Variants in MCPH1 observed in about 807,000 individuals in gnomAD.
MCPH1 encodes microcephalin 1.
MCPH1 carries 104 observed loss-of-function variants against 84.5 expected under a neutral mutation model. The observed-to-expected ratio is 1.23, with a 90% confidence interval of 1.05 to 1.45. The LOEUF is 1.45. Among genes scored for constraint, MCPH1 ranks in the 40% most tolerant of loss-of-function variants. MCPH1 has a pLI of 0.00. For missense variants in MCPH1, 1,498 were observed against 1,005.7 expected (o/e 1.49, Z -6.62); for synonymous variants, 514 against 366.8 (o/e 1.40, Z -4.58).
intron 12 of MCPH1, chr8:6,532,626 G>A: frequency 1.5e-6 from 1 of 660,314 alleles, no homozygotes; most frequent in African/African-American, 1.9e-5. Flanking sequence ...CCTTCCTTTT[G>A]GAATCTTACT....
intron 13 of MCPH1, chr8:6,625,501 T>TA (rs1831976252): frequency 1.0e-6 from 1 of 984,674 alleles, no homozygotes; most frequent in Admixed American, 6.1e-5. Flanking sequence ...CAAACCATTT[T>TA]AAAGCACCAA....
chr8:6,545,154 G>A (rs1182779973), intron 12 of MCPH1, among the ~76,000 whole-genome samples: 1 of 152,106 alleles, frequency 6.6e-6, no homozygotes, highest in Admixed American at 6.6e-5. Context: ...GGTGATAGAA[G>A]TCAGAATAAT....
chr8:6,603,758 G>C (rs1829546315), intron 12 of MCPH1, among the ~76,000 whole-genome samples: 1 of 152,164 alleles, frequency 6.6e-6, no homozygotes, highest in Non-Finnish European at 1.5e-5. Flanking sequence ...CTGGGACTTA[G>C]TAACAAACTC....
chr8:6,432,635 C>A (rs149729357), intron 4 of MCPH1, among the ~76,000 whole-genome samples: 114 of 152,338 alleles, frequency 7.5e-4, no homozygotes, highest in African/African-American at 2.7e-3. Context: ...TGATGACTTT[C>A]TCCAAACTGA....
At chr8:6,446,299 C>A (rs1332511599) in intron 8 of MCPH1, 1 of 984,918 alleles carries the variant, frequency 1.0e-6, no homozygotes, top group East Asian at 1.1e-4. Flanking sequence ...GAACTTTGAC[C>A]GTCTTTACCT....
At chr8:6,442,465 G>A (rs183072545) in intron 7 of MCPH1, among the ~76,000 whole-genome samples, 1 of 152,284 alleles carries the variant, frequency 6.6e-6, no homozygotes, top group African/African-American at 2.4e-5. Context: ...TAGAACTGAG[G>A]TCAGAGCTAA....
intron 12 of MCPH1, among the ~76,000 whole-genome samples, chr8:6,565,587 G>C (rs1245575332): frequency 6.6e-6 from 1 of 152,158 alleles, no homozygotes; most frequent in Non-Finnish European, 1.5e-5. Context: ...AAGTCATTCA[G>C]TTGTCTTCCA....
intron 12 of MCPH1, among the ~76,000 whole-genome samples, chr8:6,596,536 C>T (rs1196944222): frequency 6.6e-6 from 1 of 152,134 alleles, no homozygotes; most frequent in Non-Finnish European, 1.5e-5. Flanking sequence ...AGGAGATGAC[C>T]CAGCACAATG....
In MCPH1 at chr8:6,621,666, G is replaced by A. The variant is rs756558938; in HGVS notation, c.2427G>A (p.Lys809=). 1.9e-6 allele frequency: 3 copies of A among 1,614,226 alleles called. No homozygotes were observed. The highest frequency in any genetic ancestry group is 2.5e-6 in the Non-Finnish European group (3 of 1,180,054). ...GCGGAAAGAAGAAAGCCACAGTCAA[G>A]TATCTGTCTGAGAAATGGGTCTTAG... The part of the protein sequence containing the change: ...PYSGKKKATV[K]YLSEKWVLDS... Residue 809 remains lysine (K), a synonymous_variant, in exon 13 of 14, where the codon AAG becomes AAA. Coordinates refer to ENST00000344683, the MANE Select transcript of MCPH1 (RefSeq NM_024596.5).
intron 3 of MCPH1, among the ~76,000 whole-genome samples, chr8:6,420,636 A>G (rs1195471747): frequency 6.6e-6 from 1 of 152,002 alleles, no homozygotes; most frequent in African/African-American, 2.4e-5. Flanking sequence ...TTTTTATCTC[A>G]AAATCGATCT....
chr8:6,468,646 G>GTTTT (rs57281899), intron 9 of MCPH1, among the ~76,000 whole-genome samples: 2 of 132,896 alleles, frequency 1.5e-5, no homozygotes, highest in Non-Finnish European at 3.3e-5. Context: ...CATTTTTTTG[G>GTTTT]TTTTTTTTTT....
In MCPH1 at chr8:6,445,026, TGCCATCAAGCC is replaced by T; in HGVS notation, c.1305_1315del (p.Pro436CysfsTer10). 1 of 1,614,246 alleles carries T rather than the reference TGCCATCAAGCC, an allele frequency of 6.2e-7. No homozygotes were observed. Among genetic ancestry groups the T allele is most frequent in the Non-Finnish European group, 8.5e-7 (1 of 1,180,032 alleles). ...GAGAATCTTCCTCCTGAATCTCAGCTGCCATCAAGCCCTGCTCAGTTGAGCTGCAGAAGTCT... is the reference window on the plus strand; with the variant it reads ...GAGAATCTTCCTCCTGAATCTCAGCTCTGCTCAGTTGAGCTGCAGAAGTCT... On this transcript the variant is annotated frameshift_variant, in exon 8 of 14. Transcript: ENST00000344683. LOFTEE classifies it high-confidence loss of function.
intron 2 of MCPH1, among the ~76,000 whole-genome samples, chr8:6,412,550 G>C (rs1464604579): frequency 1.3e-5 from 2 of 152,146 alleles, no homozygotes; most frequent in Non-Finnish European, 2.9e-5. Context: ...GGCCTGTGAG[G>C]GTCATTATAA....
intron 13 of MCPH1, among the ~76,000 whole-genome samples, chr8:6,624,688 A>G (rs1281109900): frequency 6.6e-6 from 1 of 151,748 alleles, no homozygotes; most frequent in Non-Finnish European, 1.5e-5. Flanking sequence ...ATTTTTTTGT[A>G]TTTTTCTCTT....
chr8:6,583,946 T>C (rs1827780389), intron 12 of MCPH1, among the ~76,000 whole-genome samples: 1 of 152,102 alleles, frequency 6.6e-6, no homozygotes, highest in East Asian at 1.9e-4. Flanking sequence ...GGGTGGACTT[T>C]GTTGTGGTGG....
In MCPH1 at chr8:6,488,885, G is replaced by C. The variant is rs541331310; in HGVS notation, c.2136+8009G>C. Among the ~76,000 whole-genome samples, 17 of 152,170 alleles carry C rather than the reference G, an allele frequency of 1.1e-4. No individual in the cohort carries two copies. In the South Asian group the frequency reaches 3.3e-3, roughly 30 times the overall value. On this transcript the variant is annotated intron_variant, in intron 11 of 13. Transcript: ENST00000344683. ...AAAAATGACTGCGGCTGTGTCTAGAGGGGGGGTTGATAGGTGGAGAGGAGA... is the reference window on the plus strand; with the variant it reads ...AAAAATGACTGCGGCTGTGTCTAGACGGGGGGTTGATAGGTGGAGAGGAGA...
chr8:6,624,787 C>T (rs138693649), intron 13 of MCPH1: 28 of 984,786 alleles, frequency 2.8e-5, no homozygotes, highest in Non-Finnish European at 3.4e-5. Context: ...CGTAAACCTA[C>T]AGAACACACA....
rs781382246 is a variant in MCPH1 at position 6,532,430 on chromosome 8, C to T, written c.2214+32501C>T. ...ATCACAGCCGTCTGGTTCTGTACTG[C>T]ATTCTGCTGTATCTCTACCATTTCT... On this transcript the variant is annotated intron_variant, in intron 12 of 13. Coordinates refer to ENST00000344683, the MANE Select transcript of MCPH1 (RefSeq NM_024596.5). 10 of 1,614,080 alleles carry T rather than the reference C, an allele frequency of 6.2e-6. No homozygotes were observed. In the Admixed American group the frequency reaches 1.5e-4, roughly 24 times the overall value.
intron 12 of MCPH1, among the ~76,000 whole-genome samples, chr8:6,556,340 G>A (rs3020232): frequency 0.13 from 19,999 of 151,830 alleles, 3,613 homozygotes; most frequent in African/African-American, 0.41. Flanking sequence ...ATTTTTTGCA[G>A]TATCTATATA....
Sources: gnomAD v4.1 joint callset for allele counts (sites outside exome capture counted in the v4.1 genomes callset) on GRCh38, gnomAD v4.1.1 for gene constraint, MANE v1.5 for transcripts, NCBI Gene and HGNC (gene_info 2026-07-23, HGNC 2026-07-21) for gene names.